The following HTR2B variants were observed in gnomAD, a reference collection of about 807,000 sequenced individuals.
HTR2B encodes 5-HT 2B receptor.
HTR2B carries 31 observed loss-of-function variants against 39.8 expected under a neutral mutation model. The observed-to-expected ratio is 0.78, with a 90% CI of 0.58 to 1.05. HTR2B has a LOEUF of 1.05. Ranked by LOEUF, HTR2B falls within the 50% of genes least tolerant of loss-of-function variation. The pLI is 0.00. For missense variants in HTR2B, 562 were observed against 578.0 expected (o/e 0.97, Z 0.28); for synonymous variants, 210 against 207.1 (o/e 1.01, Z -0.12).
In HTR2B at chr2:231,123,562, G is replaced by A. The variant is rs1313550536; in HGVS notation, c.203C>T (p.Thr68Ile). ...ALLILMVIIPTIGGNTLVILA... is the reference protein window; with the variant it reads ...ALLILMVIIPIIGGNTLVILA... ...AATAACAAGGGTATTTCCACCAATT[G>A]TGGGTATTATCACCATGAGTATCAG... Residue 68 changes from threonine (T) to isoleucine (I), a missense_variant, in exon 2 of 4, where the codon ACA becomes ATA. By Grantham distance (89) the Thr-to-Ile change is moderately conservative. Transcript: ENST00000258400. The A allele has an allele frequency of 4.3e-6, 7 of 1,614,070 alleles. No individual in the cohort carries two copies. The highest frequency in any genetic ancestry group is 2.2e-5 in the South Asian group (2 of 91,084).
Position 231,123,923 on chromosome 2 carries a change from A to G in HTR2B, c.-159T>C. 1.5e-6 allele frequency: 1 copy of G among 681,118 alleles called. No homozygotes were observed. Among genetic ancestry groups the G allele is most frequent in the Non-Finnish European group, 2.7e-6 (1 of 375,000 alleles). The allele number at this position is 681,118 out of a possible 1,614,324, so 42.2% of individuals were successfully genotyped here. On this transcript the variant is annotated 5_prime_UTR_variant, in exon 2 of 4. Coordinates refer to ENST00000258400, the MANE Select transcript of HTR2B (RefSeq NM_000867.5). The stretch of plus-strand genomic sequence containing the variant: ...AAAAAAAAAATTCAAGTTCTCTAAA[A>G]TGAGCGCATACACACATCTGTCCAT...
At chr2:231,112,976 G>C (rs1695206002) in intron 3 of HTR2B, among the ~76,000 whole-genome samples, 1 of 151,994 alleles carries the variant, frequency 6.6e-6, no homozygotes, top group African/African-American at 2.4e-5. Context: ...ACCAGCCTGG[G>C]CAACATGACA....
At chr2:231,122,238 A>G (rs896679097) in intron 2 of HTR2B, among the ~76,000 whole-genome samples, 2 of 152,246 alleles carry the variant, frequency 1.3e-5, no homozygotes, top group Admixed American at 1.3e-4. Flanking sequence ...TTTAAAGCCC[A>G]GGTAAATGTT....
chr2:231,124,126 TC>T lies in HTR2B; in HGVS notation c.-363del, dbSNP rs1253372801. 3 of 251,330 alleles carry T rather than the reference TC, an allele frequency of 1.2e-5. No homozygotes were observed. Among genetic ancestry groups the T allele is most frequent in the Non-Finnish European group, 2.4e-5 (3 of 127,084 alleles). 15.6% of individuals were successfully genotyped at this position (251,330 alleles called of 1,614,324 possible). ...TGTTTGAACTTGCATGCCAGAGAGT[TC>T]CCCCTAGATACAAAATACATAGACT... is the stretch of plus-strand genomic sequence containing the variant. On this transcript the variant is annotated 5_prime_UTR_variant, in exon 2 of 4. It introduces an in-frame stop codon into an upstream open reading frame of the 5' UTR. Coordinates refer to ENST00000258400, the MANE Select transcript of HTR2B (RefSeq NM_000867.5).
intron 3 of HTR2B, among the ~76,000 whole-genome samples, chr2:231,110,392 A>C (rs1279218427): frequency 6.6e-6 from 1 of 152,200 alleles, no homozygotes; most frequent in Non-Finnish European, 1.5e-5. Flanking sequence ...AAATACCATG[A>C]AGTATTTAAA....
intron 2 of HTR2B, among the ~76,000 whole-genome samples, chr2:231,114,786 TACAC>T (rs1483258024): frequency 2.6e-5 from 4 of 152,196 alleles, no homozygotes; most frequent in Admixed American, 2.0e-4. Context: ...TAAATTTACT[TACAC>T]AGATGTTCAT....
intron 2 of HTR2B, among the ~76,000 whole-genome samples, chr2:231,119,839 C>T (rs535778114): frequency 8.6e-4 from 107 of 124,158 alleles, no homozygotes; most frequent in Admixed American, 2.0e-3. Flanking sequence ...CACTGCCCTG[C>T]AGTCTGGGCA....
chr2:231,112,820 T>C (rs1324497266), intron 3 of HTR2B, among the ~76,000 whole-genome samples: 2 of 151,626 alleles, frequency 1.3e-5, no homozygotes, highest in Non-Finnish European at 2.9e-5. Context: ...ATACATAATT[T>C]CTGAACATCG....
At chr2:231,116,170 C>T (rs975689080) in intron 2 of HTR2B, among the ~76,000 whole-genome samples, 1 of 152,062 alleles carries the variant, frequency 6.6e-6, no homozygotes, top group African/African-American at 2.4e-5. Context: ...TGGAAAAGGA[C>T]CTTGGACACA....
chr2:231,108,375 G>A lies in HTR2B; in HGVS notation c.*142C>T, dbSNP rs1695026728. 3.1e-6 allele frequency: 2 copies of A among 644,634 alleles called. No homozygotes were observed. 39.9% of individuals were successfully genotyped at this position (644,634 alleles called of 1,614,324 possible). On this transcript the variant is annotated 3_prime_UTR_variant, in exon 4 of 4. Transcript: ENST00000258400. ...AATCTTGTCCAAATTAGGAAAATTA[G>A]ATATTCTTAATACTTACATCTTAGG...
intron 3 of HTR2B, among the ~76,000 whole-genome samples, chr2:231,109,807 A>C (rs1695093819): frequency 6.6e-6 from 1 of 152,158 alleles, no homozygotes; most frequent in African/African-American, 2.4e-5. Flanking sequence ...GTTGATCTAG[A>C]GGCACTTCAG....
rs77125921 is a variant in HTR2B at position 231,112,516 on chromosome 2, C to T, written c.553+1213G>A. On this transcript the variant is annotated intron_variant, in intron 3 of 3. Coordinates refer to ENST00000258400, the MANE Select transcript of HTR2B (RefSeq NM_000867.5). ...TCATTTCAGGAATATGAAGGTCAATCTCATTGTTTTGCTTTCTTGCTGTTT... is the reference window on the plus strand; with the variant it reads ...TCATTTCAGGAATATGAAGGTCAATTTCATTGTTTTGCTTTCTTGCTGTTT... Among the ~76,000 whole-genome samples the T allele has an allele frequency of 9.1e-3, 1,383 of 152,320 alleles. 23 individuals carry two copies. The highest frequency in any genetic ancestry group is 0.032 in the African/African-American group (1,311 of 41,568).
In HTR2B at chr2:231,108,621, G is replaced by A. The variant is rs1251805273; in HGVS notation, c.1342C>T (p.Leu448Phe). 2 of 1,613,818 alleles carry A rather than the reference G, an allele frequency of 1.2e-6. No individual in the cohort carries two copies. The highest frequency in any genetic ancestry group is 2.7e-5 in the African/African-American group (2 of 74,908). Residue 448 changes from leucine (L) to phenylalanine (F), a missense_variant, in exon 4 of 4, where the codon CTC becomes TTC. Leu to Phe is a conservative substitution (Grantham distance 22). Coordinates refer to ENST00000258400, the MANE Select transcript of HTR2B (RefSeq NM_000867.5). The part of the protein sequence containing the change: ...NPAMYQSPMR[L>F]RSSTIQSSSI... ...GAAGACTGAATGGTTGAACTTCGGA[G>A]CCTCATTGGACTCTGGTACATGGCA... is the stretch of plus-strand genomic sequence containing the variant.
Position 231,110,165 on chromosome 2 carries a change from T to C in HTR2B, c.554-756A>G, listed in dbSNP as rs576278901. On this transcript the variant is annotated intron_variant, in intron 3 of 3. Coordinates refer to ENST00000258400, the MANE Select transcript of HTR2B (RefSeq NM_000867.5). ...CGAAACCCCATCTCTACTAAAAATATGAAAATTAGCCAGGCATGGTGGCAC... is the reference window on the plus strand; with the variant it reads ...CGAAACCCCATCTCTACTAAAAATACGAAAATTAGCCAGGCATGGTGGCAC... Among the ~76,000 whole-genome samples the C allele has an allele frequency of 1.4e-4, 22 of 151,980 alleles. No homozygotes were observed. The South Asian group carries it at 3.1e-3, about 21-fold the overall frequency.
At chr2:231,112,549 A>G (rs1409062753) in intron 3 of HTR2B, among the ~76,000 whole-genome samples, 2 of 152,220 alleles carry the variant, frequency 1.3e-5, no homozygotes, top group African/African-American at 2.4e-5. Flanking sequence ...TTTTTGCCCC[A>G]GTGCCCCTAC....
Position 231,109,038 on chromosome 2 carries a change from C to G in HTR2B, c.925G>C (p.Gly309Arg). ...GAAATGGTCTGCACTGACTTTTTCCCAATTGTGGATGTTCTTCGCATAAGT... is the reference window on the plus strand; with the variant it reads ...GAAATGGTCTGCACTGACTTTTTCCGAATTGTGGATGTTCTTCGCATAAGT... The part of the protein sequence containing the change: ...ETLMRRTSTI[G>R]KKSVQTISNE... Residue 309 changes from glycine (G) to arginine (R), a missense_variant, in exon 4 of 4, where the codon GGG becomes CGG. By Grantham distance (125) the Gly-to-Arg change is moderately radical. Transcript: ENST00000258400. The G allele has an allele frequency of 6.2e-7, 1 of 1,614,192 alleles. No homozygotes were observed.
chr2:231,119,504 C>T (rs2125225233), intron 2 of HTR2B, among the ~76,000 whole-genome samples: 1 of 152,318 alleles, frequency 6.6e-6, no homozygotes, highest in East Asian at 1.9e-4. Context: ...AGCCATCTTT[C>T]AGCCATTTTA....
chr2:231,108,588 T>C lies in HTR2B; in HGVS notation c.1375A>G (p.Ile459Val), dbSNP rs772206074. The C allele has an allele frequency of 2.4e-5, 38 of 1,613,894 alleles. No homozygotes were observed. The South Asian group carries it at 4.1e-4, about 17-fold the overall frequency. ...GTGAGGAGAAGCGTATCTAGTAGAA[T>C]GATTGATGAAGACTGAATGGTTGAA... is the stretch of plus-strand genomic sequence containing the variant. ...RSSTIQSSSI[I>V]LLDTLLLTEN... Residue 459 changes from isoleucine to valine, a missense_variant, in exon 4 of 4, where the codon ATT becomes GTT. Coordinates refer to ENST00000258400, the MANE Select transcript of HTR2B (RefSeq NM_000867.5).
intron 2 of HTR2B, among the ~76,000 whole-genome samples, chr2:231,115,506 T>C (rs1193241895): frequency 1.3e-5 from 2 of 152,122 alleles, no homozygotes; most frequent in African/African-American, 4.8e-5. Context: ...CAGCAGCTTC[T>C]TAAAAAGGGA....
Sources: allele counts gnomAD v4.1 joint callset (sites outside exome capture counted in the v4.1 genomes callset), GRCh38; gene constraint gnomAD v4.1.1; transcripts MANE v1.5; gene names NCBI Gene and HGNC (gene_info 2026-07-23, HGNC 2026-07-21).